BABAM2: variants seen among roughly 807,000 people sequenced by gnomAD.
BABAM2 encodes the protein BRISC and BRCA1-A complex member 2.
A neutral mutation model predicts 54.7 loss-of-function variants in BABAM2; 31 were observed. That is an observed-to-expected ratio of 0.57 (90% CI 0.43 to 0.77). BABAM2 has a LOEUF of 0.77. Ranked by LOEUF, BABAM2 falls within the 30% of genes least tolerant of loss-of-function variation. BABAM2 has a pLI of 0.00. For missense variants in BABAM2, 364 were observed against 455.8 expected (o/e 0.80, Z 1.83); for synonymous variants, 167 against 162.9 (o/e 1.03, Z -0.19).
chr2:27,939,962 TC>T (rs1668753848), intron 3 of BABAM2, among the ~76,000 whole-genome samples: 1 of 152,192 alleles, frequency 6.6e-6, no homozygotes, highest in Non-Finnish European at 1.5e-5. Context: ...TTTCCTCAGG[TC>T]TTTTACTGTG....
intron 5 of BABAM2, among the ~76,000 whole-genome samples, chr2:28,028,975 C>G (rs1311987222): frequency 6.6e-6 from 1 of 152,130 alleles, no homozygotes; most frequent in Non-Finnish European, 1.5e-5. Context: ...CTATATTGGT[C>G]AGGCTGGTCT....
intron 3 of BABAM2, among the ~76,000 whole-genome samples, chr2:27,987,428 G>A (rs561191885): frequency 1.3e-5 from 2 of 152,288 alleles, no homozygotes; most frequent in South Asian, 4.1e-4. Context: ...TATTTTGGAT[G>A]TGGCTGCTTC....
At chr2:28,026,812 A>AT (rs1675726981) in intron 5 of BABAM2, among the ~76,000 whole-genome samples, 1 of 98,014 alleles carries the variant, frequency 1.0e-5, no homozygotes, top group African/African-American at 4.5e-5. Context: ...AAAAATATAT[A>AT]AATATATATT....
intron 6 of BABAM2, among the ~76,000 whole-genome samples, chr2:28,055,427 AAAG>A (rs1678327750): frequency 6.6e-6 from 1 of 152,204 alleles, no homozygotes; most frequent in South Asian, 2.1e-4. Flanking sequence ...AAGTTAAAAA[AAAG>A]AAAAAATTTC....
intron 5 of BABAM2, among the ~76,000 whole-genome samples, chr2:28,040,579 C>T (rs1170987621): frequency 6.6e-6 from 1 of 152,038 alleles, no homozygotes; most frequent in Non-Finnish European, 1.5e-5. Context: ...GGATTACAGG[C>T]GTGAGCCACC....
intron 2 of BABAM2, among the ~76,000 whole-genome samples, chr2:27,907,833 A>C (rs1265307718): frequency 6.6e-6 from 1 of 152,184 alleles, no homozygotes; most frequent in South Asian, 2.1e-4. Flanking sequence ...TTCAAGGTTC[A>C]TCCGTGTTGT....
intron 10 of BABAM2, among the ~76,000 whole-genome samples, chr2:28,251,906 T>C (rs899051788): frequency 3.3e-5 from 5 of 152,126 alleles, no homozygotes; most frequent in Non-Finnish European, 5.9e-5. Flanking sequence ...TTAATAACTA[T>C]CAGGCTAGGT....
chr2:28,335,154 C>CTTTTTTTT lies in BABAM2; in HGVS notation c.1089-3276_1089-3269dup, dbSNP rs56135926. 3.2e-3 allele frequency among the ~76,000 whole-genome samples: 232 copies of CTTTTTTTT among 71,488 alleles called. 22 individuals are homozygous for CTTTTTTTT. The highest frequency in any genetic ancestry group is 0.01 in the African/African-American group (171 of 16,442). 46.9% of individuals were successfully genotyped at this position (71,488 alleles called of 152,430 possible). ...CTGGAGCTGCTGTCTCTCCCACCTTCTTTTTTTTTTTTTTTTTTTTTTTTT... is the reference window on the plus strand; with the variant it reads ...CTGGAGCTGCTGTCTCTCCCACCTTCTTTTTTTTTTTTTTTTTTTTTTTTTTTTTTTTT... On this transcript the variant is annotated intron_variant, in intron 11 of 11. Transcript: ENST00000379624.
intron 2 of BABAM2, among the ~76,000 whole-genome samples, chr2:27,917,456 T>C (rs1482784744): frequency 1.3e-5 from 2 of 152,204 alleles, no homozygotes; most frequent in Non-Finnish European, 2.9e-5. Flanking sequence ...ATCATGGCTC[T>C]GGTAGATTGT....
In BABAM2 at chr2:28,277,230, C is replaced by T. The variant is rs1414755648; in HGVS notation, c.935-21108C>T. On this transcript the variant is annotated intron_variant, in intron 10 of 11. Coordinates refer to ENST00000379624, the MANE Select transcript of BABAM2 (RefSeq NM_199191.3). Reference sequence around the variant, plus strand: ...AAGCGATTCTCCTGCCTCAGCTTCCCGAGTAGCTGGGACTACAGGTGCCCG... The same window carrying T: ...AAGCGATTCTCCTGCCTCAGCTTCCTGAGTAGCTGGGACTACAGGTGCCCG... Among the ~76,000 whole-genome samples the T allele has an allele frequency of 3.2e-4, 49 of 152,142 alleles. 2 individuals carry two copies. Among genetic ancestry groups the T allele is most frequent in the African/African-American group, 2.4e-5 (1 of 41,424 alleles).
intron 6 of BABAM2, among the ~76,000 whole-genome samples, chr2:28,072,638 G>A (rs1393402599): frequency 3.3e-5 from 5 of 152,158 alleles, no homozygotes; most frequent in Non-Finnish European, 5.9e-5. Flanking sequence ...GCCCGCCTCA[G>A]CCTCCCAAAG....
At chr2:27,989,659 T>C (rs534647890) in intron 4 of BABAM2, among the ~76,000 whole-genome samples, 6 of 152,214 alleles carry the variant, frequency 3.9e-5, no homozygotes, top group African/African-American at 1.4e-4. Flanking sequence ...GTGGTCAATA[T>C]AATGGAATAA....
intron 6 of BABAM2, among the ~76,000 whole-genome samples, chr2:28,123,372 A>G (rs1395887379): frequency 6.6e-6 from 1 of 152,198 alleles, no homozygotes; most frequent in Non-Finnish European, 1.5e-5. Flanking sequence ...GTGGGGGACA[A>G]TAGTCTTCTT....
At chr2:28,317,153 TTCTC>T (rs975332820) in intron 11 of BABAM2, among the ~76,000 whole-genome samples, 1 of 152,176 alleles carries the variant, frequency 6.6e-6, no homozygotes, top group African/African-American at 2.4e-5. Context: ...TAATGGCACT[TTCTC>T]TACCAGCCGG....
At chr2:28,056,663 T>G (rs1489576447) in intron 6 of BABAM2, among the ~76,000 whole-genome samples, 1 of 152,220 alleles carries the variant, frequency 6.6e-6, no homozygotes, top group Non-Finnish European at 1.5e-5. Context: ...AATTGGCAAA[T>G]AGTAGAAGCC....
At chr2:28,125,949 T>G (rs1036453846) in intron 6 of BABAM2, among the ~76,000 whole-genome samples, 2 of 152,220 alleles carry the variant, frequency 1.3e-5, no homozygotes, top group Admixed American at 6.5e-5. Flanking sequence ...AAGAGCTGTT[T>G]ATATGCAAAT....
At chr2:28,249,556 AG>A (rs1377368495) in intron 10 of BABAM2, among the ~76,000 whole-genome samples, 1 of 152,210 alleles carries the variant, frequency 6.6e-6, no homozygotes, top group Non-Finnish European at 1.5e-5. Context: ...GTCAAGGTGA[AG>A]TACAATGGTA....
At chr2:28,263,135 A>G (rs1052597207) in intron 10 of BABAM2, among the ~76,000 whole-genome samples, 2 of 146,036 alleles carry the variant, frequency 1.4e-5, no homozygotes, top group African/African-American at 5.2e-5. Flanking sequence ...CTGTCTCAAA[A>G]AAAAAAAAAA....
chr2:28,253,274 C>T (rs868135487), intron 10 of BABAM2, among the ~76,000 whole-genome samples: 5 of 151,708 alleles, frequency 3.3e-5, no homozygotes, highest in African/African-American at 7.3e-5. Context: ...TGGTGGCATG[C>T]GCCTGTAATC....
Sources: allele counts gnomAD v4.1 joint callset (sites outside exome capture counted in the v4.1 genomes callset), GRCh38; gene constraint gnomAD v4.1.1; transcripts MANE v1.5; gene names NCBI Gene and HGNC (gene_info 2026-07-23, HGNC 2026-07-21).